Variants in SRGAP1 observed in about 807,000 individuals in gnomAD.
The protein encoded by SRGAP1 is SLIT-ROBO Rho GTPase activating protein 1.
In SRGAP1, 43 loss-of-function variants were observed where a neutral mutation model predicts 121.9. The ratio of observed to expected loss-of-function variants is 0.35; its 90% CI spans 0.28 to 0.46. The LOEUF (loss-of-function observed/expected upper bound fraction) is 0.46. Ranked by LOEUF, SRGAP1 falls within the 20% of genes least tolerant of loss-of-function variation. The pLI, the probability that SRGAP1 is intolerant of heterozygous loss-of-function variation, is 1.00. For missense variants in SRGAP1, 1,102 were observed against 1,350.9 expected, an observed-to-expected ratio of 0.82 and a Z score of 2.89; for synonymous variants, 447 against 485.4, an observed-to-expected ratio of 0.92 and a Z score of 1.04.
chr12:63,894,773 C>T (rs543692707), intron 1 of SRGAP1, among the ~76,000 whole-genome samples: 2 of 152,294 alleles, frequency 1.3e-5, no homozygotes, highest in East Asian at 3.9e-4. Context: ...TTTCCAGCTT[C>T]ATCCATGTCC....
rs181978744 is a variant in SRGAP1 at position 63,917,217 on chromosome 12, C to A, written c.68-66730C>A. On this transcript the variant is annotated intron_variant, in intron 1 of 21. Transcript: ENST00000355086. ...AATACTGCCTGATACATAGTAAACA[C>A]CGTATAAAGCGTTATTATTGTTATG... Among the ~76,000 whole-genome samples, 15 of 152,166 alleles carry A rather than the reference C, an allele frequency of 9.9e-5. No homozygotes were observed. The East Asian group carries it at 2.9e-3, about 29-fold the overall frequency.
chr12:64,127,461 G>A lies in SRGAP1; in HGVS notation c.2406-129G>A, dbSNP rs761408680. The A allele has an allele frequency of 8.4e-6, 7 of 834,786 alleles. No homozygotes were observed. The South Asian group carries it at 1.8e-4, about 22-fold the overall frequency. The allele number at this position is 834,786 out of a possible 1,614,324, so 51.7% of individuals were successfully genotyped here. On this transcript the variant is annotated intron_variant, in intron 19 of 21. Coordinates refer to ENST00000355086, the MANE Select transcript of SRGAP1 (RefSeq NM_020762.4). ...GAGAAAAGTTATTTTAATAAAAGAAGGGCTTTCATGCATAATGCTATTTCA... is the reference window on the plus strand; with the variant it reads ...GAGAAAAGTTATTTTAATAAAAGAAAGGCTTTCATGCATAATGCTATTTCA...
In SRGAP1 at chr12:64,072,874, G is replaced by A. The variant is rs150988695; in HGVS notation, c.1126-6045G>A. 2.0e-5 allele frequency among the ~76,000 whole-genome samples: 3 copies of A among 152,290 alleles called. No homozygotes were observed. In the East Asian group the frequency reaches 5.8e-4, roughly 29 times the overall value. ...AAGGCAACAAAGCCAGTCCACAAAA[G>A]TCCACAGAAGTCACCTCTCCCTCCT... On this transcript the variant is annotated intron_variant, in intron 8 of 21. Transcript: ENST00000355086.
intron 1 of SRGAP1, among the ~76,000 whole-genome samples, chr12:63,927,359 C>A (rs919213111): frequency 4.6e-5 from 7 of 152,158 alleles, no homozygotes; most frequent in African/African-American, 1.7e-4. Context: ...CTAGCTGGCC[C>A]GGATTAGGTA....
chr12:64,111,712 C>T, intron 16 of SRGAP1, 50 bp from the exon 17 acceptor site: 1 of 1,470,018 alleles, frequency 6.8e-7, no homozygotes, highest in Non-Finnish European at 9.3e-7. Context: ...CATTTATATC[C>T]TTTTTTTCTC....
chr12:64,071,363 TTTGGC>T (rs2035633062), intron 8 of SRGAP1, among the ~76,000 whole-genome samples: 1 of 152,164 alleles, frequency 6.6e-6, no homozygotes, highest in African/African-American at 2.4e-5. Flanking sequence ...CACTGAGCAT[TTTGGC>T]ATCCATGATT....
chr12:64,027,014 A>G (rs1817917250), intron 4 of SRGAP1, among the ~76,000 whole-genome samples: 1 of 152,124 alleles, frequency 6.6e-6, no homozygotes, highest in Non-Finnish European at 1.5e-5. Context: ...AATTCAGATT[A>G]GCAAGTAGGT....
At chr12:63,916,581 G>A (rs1341066297) in intron 1 of SRGAP1, among the ~76,000 whole-genome samples, 1 of 152,172 alleles carries the variant, frequency 6.6e-6, no homozygotes, top group Non-Finnish European at 1.5e-5. Flanking sequence ...AACTAAAACT[G>A]AAAGCAGTAA....
chr12:63,906,479 A>G (rs1359113575), intron 1 of SRGAP1, among the ~76,000 whole-genome samples: 2 of 151,440 alleles, frequency 1.3e-5, no homozygotes, highest in Non-Finnish European at 2.9e-5. Context: ...ACGCCCGGCT[A>G]ATTTTTTGTA....
chr12:63,845,733 T>C (rs572883803), intron 1 of SRGAP1, among the ~76,000 whole-genome samples: 2 of 152,338 alleles, frequency 1.3e-5, no homozygotes, highest in South Asian at 4.1e-4. Context: ...ACATATGTGT[T>C]ACTTGAATTT....
chr12:63,955,483 G>A (rs1345542071), intron 1 of SRGAP1, among the ~76,000 whole-genome samples: 1 of 152,004 alleles, frequency 6.6e-6, no homozygotes, highest in Non-Finnish European at 1.5e-5. Context: ...ACTTAATTTA[G>A]TTAGACTTAA....
chr12:64,088,487 C>T (rs2035987368), intron 11 of SRGAP1, among the ~76,000 whole-genome samples: 1 of 152,122 alleles, frequency 6.6e-6, no homozygotes, highest in African/African-American at 2.4e-5. Context: ...TCAACCTGAC[C>T]AGTACTTCCT....
intron 21 of SRGAP1, among the ~76,000 whole-genome samples, chr12:64,140,010 A>G (rs1265066742): frequency 6.6e-6 from 1 of 151,054 alleles, no homozygotes; most frequent in Non-Finnish European, 1.5e-5. Context: ...TCCTTTCCCC[A>G]TTGCTTCTTT....
At chr12:64,077,019 AC>A (rs2035750865) in intron 8 of SRGAP1, among the ~76,000 whole-genome samples, 1 of 152,202 alleles carries the variant, frequency 6.6e-6, no homozygotes. Context: ...CCTATGAAAA[AC>A]ATCACACAAA....
intron 4 of SRGAP1, among the ~76,000 whole-genome samples, chr12:64,018,522 T>G (rs2034467024): frequency 6.6e-6 from 1 of 152,248 alleles, no homozygotes; most frequent in Admixed American, 6.5e-5. Flanking sequence ...AATGCTCCTT[T>G]GATACTTACT....
intron 1 of SRGAP1, among the ~76,000 whole-genome samples, chr12:63,883,862 G>A (rs1175381326): frequency 6.6e-6 from 1 of 151,092 alleles, no homozygotes; most frequent in Non-Finnish European, 1.5e-5. Flanking sequence ...GTTTCACCAT[G>A]TTAGCCAGGA....
At chr12:64,122,613 A>G (rs905423944) in intron 18 of SRGAP1, among the ~76,000 whole-genome samples, 6 of 152,192 alleles carry the variant, frequency 3.9e-5, no homozygotes, top group African/African-American at 1.2e-4. Context: ...TCAAAAAAAT[A>G]ATAAGGCCAG....
rs1327038130 is a variant in SRGAP1 at position 64,156,513 on chromosome 12, T to A, written c.*13841T>A. ...TGTGATGGATACCCAAGGGTACTCA[T>A]CTACAGGATGAAAGGGTATGAGCAC... On this transcript the variant is annotated 3_prime_UTR_variant, in exon 22 of 22. Transcript: ENST00000355086. 1 of 152,156 alleles carries A rather than the reference T, an allele frequency of 6.6e-6. No individual in the cohort carries two copies. The highest frequency in any genetic ancestry group is 1.9e-4 in the East Asian group (1 of 5,206). 9.4% of individuals were successfully genotyped at this position (152,156 alleles called of 1,614,324 possible). A position where few individuals can be genotyped will look rare whatever the true frequency, so the allele number is the denominator to read the frequency against.
intron 15 of SRGAP1, among the ~76,000 whole-genome samples, chr12:64,099,897 T>C (rs1323285411): frequency 6.6e-6 from 1 of 152,198 alleles, no homozygotes; most frequent in African/African-American, 2.4e-5. Flanking sequence ...ATGAAAAATA[T>C]CATTTCATAG....
Sources: gnomAD v4.1 joint callset for allele counts (sites outside exome capture counted in the v4.1 genomes callset) on GRCh38, gnomAD v4.1.1 for gene constraint, MANE v1.5 for transcripts, NCBI Gene and HGNC (gene_info 2026-07-23, HGNC 2026-07-21) for gene names.